Variants in BTBD8 observed in about 807,000 individuals in gnomAD.
The protein encoded by BTBD8 is BTB/POZ domain-containing protein 8.
A neutral mutation model predicts 162.9 loss-of-function variants in BTBD8; 110 were observed. The observed-to-expected ratio is 0.68, with a 90% CI of 0.58 to 0.79. BTBD8 has a LOEUF of 0.79. BTBD8 is among the 30% of genes least tolerant of loss of function. The pLI, the probability that BTBD8 is intolerant of heterozygous loss-of-function variation, is 0.00. For synonymous variants in BTBD8, 667 were observed against 716.1 expected, an observed-to-expected ratio of 0.93 and a Z score of 1.10; for missense variants, 1,905 against 2,085.4, an observed-to-expected ratio of 0.91 and a Z score of 1.68.
At chr1:92,159,920 G>C (rs1650244081) in intron 9 of BTBD8, among the ~76,000 whole-genome samples, 1 of 152,090 alleles carries the variant, frequency 6.6e-6, no homozygotes, top group Non-Finnish European at 1.5e-5. Context: ...CCTGGATGTG[G>C]ATGTCTGTTT....
intron 3 of BTBD8, among the ~76,000 whole-genome samples, chr1:92,106,151 A>G (rs1648719325): frequency 6.6e-6 from 1 of 152,224 alleles, no homozygotes; most frequent in African/African-American, 2.4e-5. Context: ...GTCTCTTGAT[A>G]CCATCATAAT....
chr1:92,118,187 C>T (rs191266604), intron 4 of BTBD8, among the ~76,000 whole-genome samples: 1 of 151,316 alleles, frequency 6.6e-6, no homozygotes, highest in African/African-American at 2.4e-5. Context: ...ACCTAGTGTC[C>T]TTTTGTATTT....
chr1:92,135,673 G>T lies in BTBD8; in HGVS notation c.753-3677G>T, dbSNP rs142281100. On this transcript the variant is annotated intron_variant, in intron 5 of 17. Coordinates refer to ENST00000636805, the MANE Select transcript of BTBD8 (RefSeq NM_001376131.1). ...ATACAAATGACTTAAAATATAATGA[G>T]AATGCAGCTTAGTAAAACATCTCTC... Among the ~76,000 whole-genome samples the T allele has an allele frequency of 2.6e-5, 4 of 152,178 alleles. No individual in the cohort carries two copies. The East Asian group carries it at 7.7e-4, about 29-fold the overall frequency.
intron 9 of BTBD8, among the ~76,000 whole-genome samples, chr1:92,162,549 C>G (rs965438744): frequency 2.6e-5 from 4 of 152,116 alleles, no homozygotes; most frequent in Admixed American, 2.6e-4. Context: ...ACTTGGGGGT[C>G]TTGTTTAAAT....
intron 4 of BTBD8, among the ~76,000 whole-genome samples, chr1:92,119,287 CTTTTTTTT>C (rs905843721): frequency 1.5e-5 from 2 of 132,852 alleles, no homozygotes; most frequent in East Asian, 2.1e-4. Context: ...TTCTTTTTTT[CTTTTTTTT>C]TTTTTTTTGA....
intron 2 of BTBD8, among the ~76,000 whole-genome samples, chr1:92,097,787 T>G (rs2101899489): frequency 6.6e-6 from 1 of 152,314 alleles, no homozygotes; most frequent in East Asian, 1.9e-4. Context: ...TCAGGTTTGA[T>G]GATTTGCTGA....
At chr1:92,099,506 A>G (rs1000808455) in intron 2 of BTBD8, among the ~76,000 whole-genome samples, 11 of 151,854 alleles carry the variant, frequency 7.2e-5, no homozygotes, top group Non-Finnish European at 1.2e-4. Context: ...TATCTTAACA[A>G]TATTAAGTCA....
chr1:92,174,083 G>A (rs1650633766), intron 13 of BTBD8, among the ~76,000 whole-genome samples: 1 of 151,958 alleles, frequency 6.6e-6, no homozygotes, highest in African/African-American at 2.4e-5. Flanking sequence ...AATGGGGGTG[G>A]GTGTGTATGA....
chr1:92,108,836 G>A (rs147612554), intron 4 of BTBD8, among the ~76,000 whole-genome samples: 3 of 152,254 alleles, frequency 2.0e-5, no homozygotes, highest in South Asian at 2.1e-4. Context: ...TTATTCTGGC[G>A]CTACTGAACA....
chr1:92,090,898 C>T (rs1309661038), intron 2 of BTBD8, among the ~76,000 whole-genome samples: 1 of 152,110 alleles, frequency 6.6e-6, no homozygotes, highest in African/African-American at 2.4e-5. Context: ...TGCCACTGCA[C>T]TCCAGCTTGG....
Position 92,184,013 on chromosome 1 carries a change from G to T in BTBD8, c.5062G>T (p.Glu1688Ter). 1.3e-6 allele frequency: 2 copies of T among 1,551,568 alleles called. No homozygotes were observed. Among genetic ancestry groups the T allele is most frequent in the African/African-American group, 1.4e-5 (1 of 73,152 alleles). Reference sequence around the variant, plus strand: ...AACACATGTTACAGATATGGATTTTGAAGATGACCAACATTTTGCAAAACA... The same window carrying T: ...AACACATGTTACAGATATGGATTTTTAAGATGACCAACATTTTGCAAAACA... ...SETHVTDMDF[E>*]DDQHFAKQDW... The change falls in exon 18 of 18, where the codon GAA becomes TAA. Residue 1688 changes from glutamate to a stop codon, truncating the protein, a stop_gained. Coordinates refer to ENST00000636805, the MANE Select transcript of BTBD8 (RefSeq NM_001376131.1). LOFTEE classifies it high-confidence loss of function.
At chr1:92,113,961 G>A (rs1037246612) in intron 4 of BTBD8, among the ~76,000 whole-genome samples, 1 of 146,990 alleles carries the variant, frequency 6.8e-6, no homozygotes, top group Non-Finnish European at 1.5e-5. Flanking sequence ...GCAGTGACCC[G>A]AGATCACGTC....
chr1:92,138,734 C>T (rs1649693080), intron 5 of BTBD8, among the ~76,000 whole-genome samples: 1 of 152,114 alleles, frequency 6.6e-6, no homozygotes, highest in Admixed American at 6.5e-5. Context: ...GTGCTCTCAA[C>T]AAGATGGGAA....
In BTBD8 at chr1:92,168,060, A is replaced by G. The variant is rs928336990; in HGVS notation, c.1443+75A>G. The stretch of plus-strand genomic sequence containing the variant: ...ATTTTTAGATGTATGTGCATTTTAA[A>G]TGTTGCAGGGTCATTGAAGCTAGGC... On this transcript the variant is annotated intron_variant, in intron 11 of 17. Transcript: ENST00000636805. 1.2e-5 allele frequency: 16 copies of G among 1,360,812 alleles called. No homozygotes were observed. In the East Asian group the frequency reaches 1.3e-4, roughly 11 times the overall value. The allele number at this position is 1,360,812 out of a possible 1,614,324, so 84.3% of individuals were successfully genotyped here. A position where few individuals can be genotyped will look rare whatever the true frequency, so the allele number is the denominator to read the frequency against.
chr1:92,156,279 G>C (rs1650157104), intron 9 of BTBD8, among the ~76,000 whole-genome samples: 1 of 152,154 alleles, frequency 6.6e-6, no homozygotes, highest in African/African-American at 2.4e-5. Flanking sequence ...ACCACTAGTT[G>C]ATGGTGAATT....
intron 7 of BTBD8, among the ~76,000 whole-genome samples, chr1:92,144,990 C>T (rs1649876308): frequency 6.6e-6 from 1 of 151,688 alleles, no homozygotes. Context: ...GAGTCTCACT[C>T]ATTCAGTCAC....
chr1:92,092,162 G>C (rs148033759), intron 2 of BTBD8, among the ~76,000 whole-genome samples: 2,339 of 152,094 alleles, frequency 0.015, 75 homozygotes, highest in African/African-American at 0.053. Context: ...GCACTTTGGG[G>C]GGCTGAGGCA....
At chr1:92,152,051 A>G (rs1017321508) in intron 9 of BTBD8, among the ~76,000 whole-genome samples, 6 of 152,198 alleles carry the variant, frequency 3.9e-5, no homozygotes, top group African/African-American at 1.4e-4. Flanking sequence ...ATATGAGAAA[A>G]GAGAATCAAA....
intron 9 of BTBD8, among the ~76,000 whole-genome samples, chr1:92,164,518 C>G (rs72956889): frequency 0.013 from 2,022 of 152,028 alleles, 46 homozygotes; most frequent in African/African-American, 0.047. Context: ...ATTTGCATGA[C>G]TGAGGCACAA....
Sources: gnomAD v4.1 joint callset for allele counts (sites outside exome capture counted in the v4.1 genomes callset) on GRCh38, gnomAD v4.1.1 for gene constraint, MANE v1.5 for transcripts, NCBI Gene and HGNC (gene_info 2026-07-23, HGNC 2026-07-21) for gene names.